Variants in MLLT10 observed in about 807,000 individuals in gnomAD.
MLLT10 encodes MLLT10 histone lysine methyltransferase DOT1L cofactor.
MLLT10 carries 30 observed loss-of-function variants against 129.1 expected under a neutral mutation model. That is an observed-to-expected ratio of 0.23 (90% CI 0.17 to 0.32). The LOEUF (loss-of-function observed/expected upper bound fraction) is 0.32. MLLT10 is among the 10% of genes least tolerant of loss of function. The probability of loss-of-function intolerance (pLI) is 1.00; values close to 1 mark genes in which losing one functional copy is unlikely to be tolerated. For synonymous variants in MLLT10, 490 were observed against 446.4 expected (o/e 1.10, Z -1.23); for missense variants, 1,119 against 1,268.3 (o/e 0.88, Z 1.79).
At chr10:21,549,655 TA>T (rs1247911894) in intron 3 of MLLT10, among the ~76,000 whole-genome samples, 1 of 145,910 alleles carries the variant, frequency 6.9e-6, no homozygotes, top group Admixed American at 7.0e-5. Flanking sequence ...AACTGAGTTG[TA>T]CTCTTTTTTT....
At chr10:21,668,519 C>T (rs1435311943) in intron 9 of MLLT10, among the ~76,000 whole-genome samples, 7 of 152,068 alleles carry the variant, frequency 4.6e-5, no homozygotes, top group African/African-American at 1.4e-4. Context: ...ACATCTAAAG[C>T]TAAAATTCAT....
intron 15 of MLLT10, among the ~76,000 whole-genome samples, chr10:21,726,984 G>T (rs565904733): frequency 2.0e-4 from 30 of 152,210 alleles, no homozygotes; most frequent in African/African-American, 7.2e-4. Context: ...TTTGTCTCTT[G>T]TACTGTCTTA....
chr10:21,633,178 G>A (rs1043977266), intron 8 of MLLT10, among the ~76,000 whole-genome samples: 2 of 152,160 alleles, frequency 1.3e-5, no homozygotes, highest in African/African-American at 4.8e-5. Flanking sequence ...GTTGATTTTA[G>A]TGCTTACCTC....
chr10:21,584,014 C>T (rs1161721142), intron 3 of MLLT10, among the ~76,000 whole-genome samples: 7 of 151,902 alleles, frequency 4.6e-5, no homozygotes, highest in Non-Finnish European at 8.8e-5. Context: ...GGACTACAGG[C>T]GCCTGCCACC....
intron 3 of MLLT10, among the ~76,000 whole-genome samples, chr10:21,584,138 G>C (rs1051639544): frequency 6.6e-6 from 1 of 151,054 alleles, no homozygotes; most frequent in African/African-American, 2.4e-5. Context: ...AAAGTGCTGG[G>C]AATACAGGCG....
intron 5 of MLLT10, among the ~76,000 whole-genome samples, chr10:21,601,554 T>C (rs2043533447): frequency 6.6e-6 from 1 of 152,192 alleles, no homozygotes; most frequent in African/African-American, 2.4e-5. Flanking sequence ...AGATAGAGTC[T>C]TACTCCATCA....
chr10:21,672,207 G>GTGTGTGTGTGTGTA lies in MLLT10; in HGVS notation c.1052-1140_1052-1139insGTGTGTGTGTATGT, dbSNP rs950414625. Among the ~76,000 whole-genome samples, 83 of 150,306 alleles carry GTGTGTGTGTGTGTA rather than the reference G, an allele frequency of 5.5e-4. 2 individuals carry two copies. The highest frequency in any genetic ancestry group is 1.9e-3 in the African/African-American group (78 of 40,766). On this transcript the variant is annotated intron_variant, in intron 10 of 22. Coordinates refer to ENST00000307729, the MANE Select transcript of MLLT10 (RefSeq NM_001195626.3). Reference sequence around the variant, plus strand: ...TGTGTGTGTGTGTGTGTGTGTGTGTGTGTATTTTGAGACAGGGCCTTGCTT... The same window carrying GTGTGTGTGTGTGTA: ...TGTGTGTGTGTGTGTGTGTGTGTGTGTGTGTGTGTGTGTATGTATTTTGAGACAGGGCCTTGCTT...
chr10:21,707,326 G>A (rs1323483153), intron 13 of MLLT10, among the ~76,000 whole-genome samples: 1 of 151,368 alleles, frequency 6.6e-6, no homozygotes, highest in Non-Finnish European at 1.5e-5. Flanking sequence ...CCGTGTAGCT[G>A]GGACTACAGG....
chr10:21,665,820 C>T (rs115996600), intron 9 of MLLT10, among the ~76,000 whole-genome samples: 4,187 of 152,074 alleles, frequency 0.028, 187 homozygotes, highest in African/African-American at 0.094. Flanking sequence ...CCTCTGCCTC[C>T]TGGGTTCAAG....
chr10:21,564,736 A>C (rs2039324691), intron 3 of MLLT10, among the ~76,000 whole-genome samples: 1 of 151,772 alleles, frequency 6.6e-6, no homozygotes, highest in South Asian at 2.1e-4. Context: ...AGGCAGGAGA[A>C]TTGCTTGAAC....
At chr10:21,567,681 A>T (rs1326232036) in intron 3 of MLLT10, among the ~76,000 whole-genome samples, 3 of 152,026 alleles carry the variant, frequency 2.0e-5, no homozygotes, top group Non-Finnish European at 4.4e-5. Context: ...CCATGTGATC[A>T]TTGCTGGTAT....
chr10:21,565,779 T>A (rs188360856), intron 3 of MLLT10, among the ~76,000 whole-genome samples: 5 of 151,718 alleles, frequency 3.3e-5, no homozygotes, highest in Admixed American at 1.3e-4. Context: ...CTGATTTTTT[T>A]ATTATTTGTA....
At chr10:21,569,940 G>A (rs982672592) in intron 3 of MLLT10, among the ~76,000 whole-genome samples, 9 of 150,930 alleles carry the variant, frequency 6.0e-5, no homozygotes, top group Non-Finnish European at 1.3e-4. Context: ...ACGGGGTGCC[G>A]CTCTTGTTGC....
intron 13 of MLLT10, among the ~76,000 whole-genome samples, chr10:21,684,208 T>C (rs954896750): frequency 2.6e-5 from 4 of 152,080 alleles, no homozygotes; most frequent in Admixed American, 1.3e-4. Flanking sequence ...TATCAGTCTT[T>C]TATGATTTCT....
intron 8 of MLLT10, among the ~76,000 whole-genome samples, chr10:21,648,257 G>A (rs938323895): frequency 1.3e-5 from 2 of 152,180 alleles, no homozygotes; most frequent in Admixed American, 6.5e-5. Context: ...TATAAGCCAT[G>A]CACAGTGTGT....
In MLLT10 at chr10:21,567,821, C is replaced by CTT. The variant is rs1163802842; in HGVS notation, c.241-18458_241-18457dup. Among the ~76,000 whole-genome samples the CTT allele has an allele frequency of 3.8e-4, 52 of 137,544 alleles. 2 individuals are homozygous for CTT. Among genetic ancestry groups the CTT allele is most frequent in the East Asian group, 2.1e-4 (1 of 4,752 alleles). 90.2% of individuals were successfully genotyped at this position (137,544 alleles called of 152,430 possible). ...GAGAAGGCTTTTGTTGGGGCTTCTT[C>CTT]TTTTTTTTTTTTTTTTGAGACAGAG... On this transcript the variant is annotated intron_variant, in intron 3 of 22. Transcript: ENST00000307729.
chr10:21,581,158 G>T lies in MLLT10; in HGVS notation c.241-5136G>T, dbSNP rs1296117290. 3.3e-5 allele frequency among the ~76,000 whole-genome samples: 5 copies of T among 149,522 alleles called. No homozygotes were observed. In the East Asian group the frequency reaches 9.9e-4, roughly 30 times the overall value. On this transcript the variant is annotated intron_variant, in intron 3 of 22. Coordinates refer to ENST00000307729, the MANE Select transcript of MLLT10 (RefSeq NM_001195626.3). ...CTTCCCGGGTTCACACCATCCTCCTGCCTCAGCCTCCCTAGTAGCTGGGAC... is the reference window on the plus strand; with the variant it reads ...CTTCCCGGGTTCACACCATCCTCCTTCCTCAGCCTCCCTAGTAGCTGGGAC...
intron 9 of MLLT10, among the ~76,000 whole-genome samples, chr10:21,666,505 A>C (rs2050812530): frequency 1.3e-5 from 2 of 151,952 alleles, no homozygotes; most frequent in Non-Finnish European, 2.9e-5. Flanking sequence ...TCTACTAAAA[A>C]CACAAAAATT....
At chr10:21,619,006 G>A (rs549824082) in intron 8 of MLLT10, among the ~76,000 whole-genome samples, 1 of 149,452 alleles carries the variant, frequency 6.7e-6, no homozygotes, top group East Asian at 2.0e-4. Context: ...GATTACAGGC[G>A]TGAGCCACCG....
Sources: allele counts gnomAD v4.1 joint callset (sites outside exome capture counted in the v4.1 genomes callset), GRCh38; gene constraint gnomAD v4.1.1; transcripts MANE v1.5; gene names NCBI Gene and HGNC (gene_info 2026-07-23, HGNC 2026-07-21).